Variants in LIMS2 observed in about 807,000 individuals in gnomAD.
The protein encoded by LIMS2 is LIM and senescent cell antigen-like-containing domain protein 2.
Under a neutral mutation model 45.3 loss-of-function variants are expected in LIMS2, and 30 were observed. The ratio of observed to expected loss-of-function variants is 0.66; its 90% confidence interval spans 0.50 to 0.90. The LOEUF is 0.90. LIMS2 is among the 40% of genes least tolerant of loss of function. The pLI is 0.00. For missense variants in LIMS2, 485 were observed against 468.7 expected, an observed-to-expected ratio of 1.03 and a Z score of -0.32; for synonymous variants, 173 against 188.0, an observed-to-expected ratio of 0.92 and a Z score of 0.65.
In LIMS2 at chr2:127,654,872, G is replaced by A; in HGVS notation, c.196C>T (p.His66Tyr). 1 of 1,614,194 alleles carries A rather than the reference G, an allele frequency of 6.2e-7. No individual in the cohort carries two copies. The highest frequency in any genetic ancestry group is 8.5e-7 in the Non-Finnish European group (1 of 1,180,040). Residue 66 changes from histidine (H) to tyrosine (Y), a missense_variant, in exon 3 of 10, where the codon CAC (histidine) becomes TAC (tyrosine). Physicochemically the swap from His to Tyr is moderately conservative, Grantham distance 83. Coordinates refer to ENST00000355119, the MANE Select transcript of LIMS2 (RefSeq NM_001161403.3). ...YEFEGRKYCE[H>Y]DFQMLFAPCC... Reference sequence around the variant, plus strand: ...GGAGCAAACAGCATTTGGAAGTCGTGTTCGCAGTACTTCCGGCCTTCAAAC... The same window carrying A: ...GGAGCAAACAGCATTTGGAAGTCGTATTCGCAGTACTTCCGGCCTTCAAAC...
chr2:127,654,902 A>G lies in LIMS2; in HGVS notation c.172-6T>C. 1 of 1,613,638 alleles carries G rather than the reference A, an allele frequency of 6.2e-7. No individual in the cohort carries two copies. Among genetic ancestry groups the G allele is most frequent in the Non-Finnish European group, 8.5e-7 (1 of 1,179,734 alleles). ...CAGTACTTCCGGCCTTCAAACTGCA[A>G]AGGGGTCGCAGAGAGAGGACAAGCA... On this transcript the variant is annotated splice_polypyrimidine_tract_variant and splice_region_variant and intron_variant, in intron 2 of 9. Transcript: ENST00000355119.
chr2:127,658,967 G>A lies in LIMS2; in HGVS notation c.12-1405C>T, dbSNP rs897445589. 2.0e-5 allele frequency among the ~76,000 whole-genome samples: 3 copies of A among 152,174 alleles called. 1 individual carries two copies. In the South Asian group the frequency reaches 6.2e-4, roughly 32 times the overall value. On this transcript the variant is annotated intron_variant, in intron 1 of 9. Coordinates refer to ENST00000355119, the MANE Select transcript of LIMS2 (RefSeq NM_001161403.3). Reference sequence around the variant, plus strand: ...ATGCTTGGTGAGTGAGGCTCCTGTCGGGCTGTTCTGCGGCCTGCAATCTGG... The same window carrying A: ...ATGCTTGGTGAGTGAGGCTCCTGTCAGGCTGTTCTGCGGCCTGCAATCTGG...
intron 1 of LIMS2, among the ~76,000 whole-genome samples, chr2:127,663,667 C>T (rs778220585): frequency 6.6e-6 from 1 of 151,766 alleles, no homozygotes; most frequent in African/African-American, 2.4e-5. Flanking sequence ...TGGCCTCCTC[C>T]CCAGGGTCCC....
intron 4 of LIMS2, chr2:127,651,129 G>A (rs1231334632): frequency 2.5e-6 from 4 of 1,613,346 alleles, no homozygotes; most frequent in Non-Finnish European, 3.4e-6. Flanking sequence ...CCGTTTCCTG[G>A]CCATTGTGCA....
At chr2:127,660,994 C>A (rs1044793806) in intron 1 of LIMS2, among the ~76,000 whole-genome samples, 31 of 152,156 alleles carry the variant, frequency 2.0e-4, no homozygotes, top group African/African-American at 5.6e-4. Context: ...GCCCAAGTCA[C>A]AGAGAGCCCC....
At chr2:127,666,594 C>CTCCAT (rs745632050) in intron 1 of LIMS2, among the ~76,000 whole-genome samples, 2 of 152,010 alleles carry the variant, frequency 1.3e-5, no homozygotes, top group Non-Finnish European at 2.9e-5. Flanking sequence ...ACTACCAAAA[C>CTCCAT]GAACTCAAGA....
chr2:127,661,271 T>G (rs539480327), intron 1 of LIMS2, among the ~76,000 whole-genome samples: 1 of 152,160 alleles, frequency 6.6e-6, no homozygotes, highest in African/African-American at 2.4e-5. Context: ...TGTAAAGAGG[T>G]GCACCAGAGA....
chr2:127,643,509 G>A (rs1049061515), intron 4 of LIMS2: 16 of 456,922 alleles, frequency 3.5e-5, no homozygotes, highest in Non-Finnish European at 5.3e-5. Flanking sequence ...TTCCTTCGGG[G>A]TTTGCCAGAT....
chr2:127,642,477 A>T lies in LIMS2; in HGVS notation c.510-278T>A. On this transcript the variant is annotated intron_variant, in intron 5 of 9. Transcript: ENST00000355119. The surrounding 1 kb of genome is among the most constrained non-coding windows in gnomAD (Gnocchi z 5.3). Reference sequence around the variant, plus strand: ...GTTCTTGGGCCCCCCTCCTCCTCCAAACCAGAGGGGGTGTCTGGATAGGCA... The same window carrying T: ...GTTCTTGGGCCCCCCTCCTCCTCCATACCAGAGGGGGTGTCTGGATAGGCA... The T allele has an allele frequency of 2.7e-6, 1 of 365,864 alleles. No individual in the cohort carries two copies. Among genetic ancestry groups the T allele is most frequent in the Non-Finnish European group, 4.9e-6 (1 of 202,664 alleles). The allele number at this position is 365,864 out of a possible 1,614,324, so 22.7% of individuals were successfully genotyped here. A position where few individuals can be genotyped will look rare whatever the true frequency, so the allele number is the denominator to read the frequency against.
chr2:127,647,019 G>A lies in LIMS2; in HGVS notation c.360-3947C>T, dbSNP rs555754562. Reference sequence around the variant, plus strand: ...GAGCGAGGGGCACGCCCTTCGGCCCGGGCAGGAAGTGGAGGGCAGTGCCCA... The same window carrying A: ...GAGCGAGGGGCACGCCCTTCGGCCCAGGCAGGAAGTGGAGGGCAGTGCCCA... On this transcript the variant is annotated intron_variant, in intron 4 of 9. Coordinates refer to ENST00000355119, the MANE Select transcript of LIMS2 (RefSeq NM_001161403.3). The surrounding 1 kb of genome is among the most constrained non-coding windows in gnomAD (Gnocchi z 4.3). 1.5e-4 allele frequency among the ~76,000 whole-genome samples: 23 copies of A among 152,200 alleles called. No homozygotes were observed. Among genetic ancestry groups the A allele is most frequent in the Non-Finnish European group, 2.6e-4 (18 of 67,988 alleles).
At chr2:127,656,693 G>C (rs1684278708) in intron 2 of LIMS2, among the ~76,000 whole-genome samples, 1 of 152,166 alleles carries the variant, frequency 6.6e-6, no homozygotes. Flanking sequence ...GGGATTACAG[G>C]CGTGAGCCGC....
chr2:127,651,249 A>C, intron 4 of LIMS2: 1 of 1,606,096 alleles, frequency 6.2e-7, no homozygotes, highest in Non-Finnish European at 8.5e-7. Context: ...GAGCCCACAG[A>C]CCGTGCAGAC....
At chr2:127,651,603 G>T in intron 4 of LIMS2, 1 of 1,613,406 alleles carries the variant, frequency 6.2e-7, no homozygotes, top group Non-Finnish European at 8.5e-7. Context: ...CAGCCTCAAC[G>T]GGGCACTCGA....
intron 2 of LIMS2, 147 bp from the exon 3 acceptor site, chr2:127,655,043 G>C: frequency 6.5e-6 from 5 of 764,318 alleles, no homozygotes; most frequent in Non-Finnish European, 1.2e-5. Flanking sequence ...GTGGGTCCCA[G>C]GCCTGGCCAG....
intron 4 of LIMS2, chr2:127,648,151 G>A (rs1683206483): frequency 3.0e-6 from 3 of 985,296 alleles, no homozygotes; most frequent in South Asian, 4.7e-5. Flanking sequence ...CTGGATTCCT[G>A]GGGAATGGGG....
chr2:127,650,124 G>A (rs1243990201), intron 4 of LIMS2: 1 of 1,517,992 alleles, frequency 6.6e-7, no homozygotes, highest in South Asian at 1.2e-5. Flanking sequence ...AGCCCTTGCT[G>A]CCATCCTGGG....
At position 127,642,168 on chromosome 2, in the gene LIMS2, T is replaced by C; in HGVS notation, c.541A>G (p.Lys181Glu). 1.3e-6 allele frequency: 2 copies of C among 1,578,768 alleles called. No homozygotes were observed. The highest frequency in any genetic ancestry group is 1.7e-6 in the Non-Finnish European group (2 of 1,158,392). ...KELTAEARELKGELYCLPCHD... is the reference protein window; with the variant it reads ...KELTAEARELEGELYCLPCHD... ...CAGGGCAGGCAGTAGAGCTCACCCT[T>C]CAGCTCGCGGGCCTCGGCTGTCAGC... Residue 181 changes from lysine to glutamate, a missense_variant, in exon 6 of 10, where the codon AAG (lysine) becomes GAG (glutamate). By Grantham distance (56) the Lys-to-Glu change is moderately conservative (BLOSUM62 1). Transcript: ENST00000355119. This position sits in a 1 kb window ranked among gnomAD's most constrained non-coding sequence, Gnocchi z 5.3.
At chr2:127,649,190 A>AGGAAGGAAGGAAGGAAGGAAGGAAGGAG (rs1558878488) in intron 4 of LIMS2, among the ~76,000 whole-genome samples, 1 of 151,314 alleles carries the variant, frequency 6.6e-6, no homozygotes, top group African/African-American at 2.4e-5. Flanking sequence ...GAAGGAAGGA[A>AGGAAGGAAGGAAGGAAGGAAGGAAGGAG]GGAAGGAAGG....
In LIMS2 at chr2:127,639,081, CACAG is replaced by C. The variant is rs1479634042; in HGVS notation, c.*196_*199del. 4 of 612,252 alleles carry C rather than the reference CACAG, an allele frequency of 6.5e-6. No individual in the cohort carries two copies. Among genetic ancestry groups the C allele is most frequent in the Admixed American group, 3.1e-5 (1 of 32,216 alleles). The allele number at this position is 612,252 out of a possible 1,614,324, so 37.9% of individuals were successfully genotyped here. A position where few individuals can be genotyped will look rare whatever the true frequency, so the allele number is the denominator to read the frequency against. ...TCCCACTCCCCAGCTCCTGCCTCCT[CACAG>C]ACAGAAGCCACGGCCAAGGAGAGGA... On this transcript the variant is annotated 3_prime_UTR_variant, in exon 10 of 10. Transcript: ENST00000355119.
Sources: allele counts gnomAD v4.1 joint callset (sites outside exome capture counted in the v4.1 genomes callset), GRCh38; gene constraint gnomAD v4.1.1; non-coding constraint Gnocchi (gnomAD v3.1); transcripts MANE v1.5; gene names NCBI Gene and HGNC (gene_info 2026-07-23, HGNC 2026-07-21).